ATP6V1B2: variants seen among roughly 807,000 people sequenced by gnomAD.
ATP6V1B2 encodes V-type proton ATPase subunit B, brain isoform.
In ATP6V1B2, 23 loss-of-function variants were observed where a neutral mutation model predicts 66.7. The observed-to-expected ratio is 0.34, with a 90% CI of 0.25 to 0.49. The LOEUF is 0.49. Among genes scored for constraint, ATP6V1B2 ranks in the 20% least tolerant of loss-of-function variants. ATP6V1B2 has a pLI of 0.99. For synonymous variants in ATP6V1B2, 278 were observed against 236.7 expected (o/e 1.17, Z -1.60); for missense variants, 478 against 650.8 (o/e 0.73, Z 2.89).
At position 20,220,468 on chromosome 8, in the gene ATP6V1B2, A is replaced by C; in HGVS notation, c.*66A>C. 1.4e-6 allele frequency: 2 copies of C among 1,461,624 alleles called. No individual in the cohort carries two copies. Among genetic ancestry groups the C allele is most frequent in the East Asian group, 2.6e-5 (1 of 38,332 alleles). 90.5% of individuals were successfully genotyped at this position (1,461,624 alleles called of 1,614,324 possible). ...GTTCTGTTTTCTTTATTCCTTTTGC[A>C]CTCTCGGTTCCCACCTTTGTGTTGG... On this transcript the variant is annotated 3_prime_UTR_variant, in exon 14 of 14. Coordinates refer to ENST00000276390, the MANE Select transcript of ATP6V1B2 (RefSeq NM_001693.4).
At chr8:20,204,647 C>A in intron 2 of ATP6V1B2, 108 bp downstream of exon 2, 1 of 912,896 alleles carries the variant, frequency 1.1e-6, no homozygotes, top group Non-Finnish European at 1.6e-6. Context: ...ATACTTTAGA[C>A]TGGGTGTCAG....
At chr8:20,199,137 T>G (rs777349127) in intron 1 of ATP6V1B2, among the ~76,000 whole-genome samples, 2 of 152,260 alleles carry the variant, frequency 1.3e-5, no homozygotes, top group African/African-American at 2.4e-5. Flanking sequence ...ATGATTAAGA[T>G]TGTAAACCTT....
Position 20,221,404 on chromosome 8 carries a change from A to C in ATP6V1B2, c.*1002A>C, listed in dbSNP as rs958248968. 1.3e-5 allele frequency: 2 copies of C among 152,628 alleles called. No homozygotes were observed. Among genetic ancestry groups the C allele is most frequent in the Non-Finnish European group, 2.9e-5 (2 of 68,060 alleles). The allele number at this position is 152,628 out of a possible 1,614,324, so 9.5% of individuals were successfully genotyped here. On this transcript the variant is annotated 3_prime_UTR_variant, in exon 14 of 14. Transcript: ENST00000276390. ...GGGTAATCTTTGTGGCACAAACGAT[A>C]GCATTTCCAAGCTTTAGAGTTTTCT...
rs1417313573 is a variant in ATP6V1B2, at chr8:20,211,502, A to C, written c.604-150A>C. On this transcript the variant is annotated intron_variant, in intron 6 of 13. Transcript: ENST00000276390. Reference sequence around the variant, plus strand: ...CTTGCTTACCCTTGCATATCTTTGCAAAAAGTACAAAATAGTTTTGTTGAA... The same window carrying C: ...CTTGCTTACCCTTGCATATCTTTGCCAAAAGTACAAAATAGTTTTGTTGAA... 4 of 1,269,988 alleles carry C rather than the reference A, an allele frequency of 3.1e-6. No homozygotes were observed. In the African/African-American group the frequency reaches 6.1e-5, roughly 19 times the overall value. The allele number at this position is 1,269,988 out of a possible 1,614,324, so 78.7% of individuals were successfully genotyped here.
Position 20,197,453 on chromosome 8 carries a change from A to C in ATP6V1B2, c.47A>C (p.Glu16Ala). 1 of 1,541,794 alleles carries C rather than the reference A, an allele frequency of 6.5e-7. No individual in the cohort carries two copies. Among genetic ancestry groups the C allele is most frequent in the Non-Finnish European group, 8.7e-7 (1 of 1,144,730 alleles). The change falls in exon 1 of 14, where the codon GAG (glutamate) becomes GCG (alanine). Residue 16 changes from glutamate (E) to alanine (A), a missense_variant. Glu to Ala is a moderately radical substitution (Grantham distance 107). Transcript: ENST00000276390. ...MRGIVNGAAP[E>A]LPVPTGGPAV... is the part of the protein sequence containing the mutation. ...GGGATTGTCAACGGGGCCGCACCCG[A>C]GCTACCCGTGCCCACCGGTGGGCCG... is the stretch of plus-strand genomic sequence containing the variant.
intron 5 of ATP6V1B2, 48 bp downstream of exon 5, chr8:20,210,694 T>C (rs779242225): frequency 6.5e-7 from 1 of 1,538,192 alleles, no homozygotes; most frequent in Non-Finnish European, 9.0e-7. Flanking sequence ...ATAACCTCAC[T>C]CTGTCTTGTA....
chr8:20,206,249 G>A (rs1162600481), intron 2 of ATP6V1B2, among the ~76,000 whole-genome samples: 1 of 152,110 alleles, frequency 6.6e-6, no homozygotes, highest in Non-Finnish European at 1.5e-5. Context: ...AGTTCTTTGG[G>A]GAACACCTAT....
At chr8:20,205,807 A>T (rs555784630) in intron 2 of ATP6V1B2, among the ~76,000 whole-genome samples, 1 of 152,222 alleles carries the variant, frequency 6.6e-6, no homozygotes, top group Non-Finnish European at 1.5e-5. Flanking sequence ...ATTAGAAAAG[A>T]AAAATAGCTG....
intron 13 of ATP6V1B2, among the ~76,000 whole-genome samples, chr8:20,219,836 G>A (rs2072890692): frequency 6.6e-6 from 1 of 152,158 alleles, no homozygotes; most frequent in Non-Finnish European, 1.5e-5. Flanking sequence ...GTATTCAGGT[G>A]CTTGACTGGC....
Position 20,211,166 on chromosome 8 carries a change from A to G in ATP6V1B2, c.464-11A>G. 6.3e-7 allele frequency: 1 copy of G among 1,597,514 alleles called. No homozygotes were observed. Among genetic ancestry groups the G allele is most frequent in the South Asian group, 1.1e-5 (1 of 87,426 alleles). ...AACTTGTTGAAATTTTCCTTTTTGGAAATACATTAGGTCAGCCAATCAACC... is the reference window on the plus strand; with the variant it reads ...AACTTGTTGAAATTTTCCTTTTTGGGAATACATTAGGTCAGCCAATCAACC... On this transcript the variant is annotated splice_polypyrimidine_tract_variant and intron_variant, in intron 5 of 13. Transcript: ENST00000276390.
chr8:20,211,415 A>C, intron 6 of ATP6V1B2, 99 bp downstream of exon 6: 3 of 1,479,524 alleles, frequency 2.0e-6, no homozygotes, highest in Non-Finnish European at 2.7e-6. Flanking sequence ...TTCAAAATAA[A>C]TACTCAGTGT....
At chr8:20,204,165 TA>T (rs2128884892) in intron 1 of ATP6V1B2, 1 of 385,756 alleles carries the variant, frequency 2.6e-6, no homozygotes, top group East Asian at 6.3e-5. Flanking sequence ...CATCACATTC[TA>T]ACTCCACCCC....
intron 9 of ATP6V1B2, chr8:20,213,581 A>G (rs924687045): frequency 1.3e-5 from 2 of 152,474 alleles, no homozygotes; most frequent in African/African-American, 4.8e-5. Flanking sequence ...GAGTCCAGTA[A>G]TTTGAGGCTG....
intron 1 of ATP6V1B2, among the ~76,000 whole-genome samples, chr8:20,203,759 A>C (rs915470675): frequency 1.3e-5 from 2 of 152,166 alleles, no homozygotes; most frequent in African/African-American, 2.4e-5. Context: ...GGGTAGAATT[A>C]GCTGTTTATT....
intron 1 of ATP6V1B2, 58 bp downstream of exon 1, chr8:20,197,600 C>G (rs1037560900): frequency 7.6e-7 from 1 of 1,313,482 alleles, no homozygotes; most frequent in African/African-American, 1.5e-5. Flanking sequence ...GCCCTTTGCT[C>G]CCAGTCACCT....
rs553271878 is a variant in ATP6V1B2 at position 20,220,253 on chromosome 8, A to T, written c.1397-10A>T. 2.0e-5 allele frequency: 32 copies of T among 1,602,338 alleles called. 1 individual carries two copies. In the South Asian group the frequency reaches 3.5e-4, roughly 18 times the overall value. ...ATTTGCATTTATTAATTCAATCTCA[A>T]TTTTTTAAGGTCCTTACGAAAATCG... is the stretch of plus-strand genomic sequence containing the variant. On this transcript the variant is annotated splice_polypyrimidine_tract_variant and intron_variant, in intron 13 of 13. Coordinates refer to ENST00000276390, the MANE Select transcript of ATP6V1B2 (RefSeq NM_001693.4).
intron 3 of ATP6V1B2, among the ~76,000 whole-genome samples, chr8:20,209,956 C>T (rs906515029): frequency 1.3e-5 from 2 of 151,838 alleles, no homozygotes; most frequent in Non-Finnish European, 2.9e-5. Context: ...GGCAAGATTT[C>T]TGTAAAGGGC....
In ATP6V1B2 at chr8:20,206,721, A is replaced by G. The variant is rs187039038; in HGVS notation, c.192+2182A>G. The stretch of plus-strand genomic sequence containing the variant: ...AGAAACTCTCCAAACACCCTCAGTT[A>G]GGATTTTTTTTGAAGACCTAAGCAT... On this transcript the variant is annotated intron_variant, in intron 2 of 13. Coordinates refer to ENST00000276390, the MANE Select transcript of ATP6V1B2 (RefSeq NM_001693.4). Among the ~76,000 whole-genome samples, 4 of 152,224 alleles carry G rather than the reference A, an allele frequency of 2.6e-5. No individual in the cohort carries two copies. In the East Asian group the frequency reaches 7.7e-4, roughly 29 times the overall value.
Position 20,220,489 on chromosome 8 carries a change from G to T in ATP6V1B2, c.*87G>T. 2 of 1,446,516 alleles carry T rather than the reference G, an allele frequency of 1.4e-6. No individual in the cohort carries two copies. The highest frequency in any genetic ancestry group is 1.6e-5 in the South Asian group (1 of 63,268). The allele number at this position is 1,446,516 out of a possible 1,614,324, so 89.6% of individuals were successfully genotyped here. A position where few individuals can be genotyped will look rare whatever the true frequency, so the allele number is the denominator to read the frequency against. ...TTGCACTCTCGGTTCCCACCTTTGT[G>T]TTGGAGTTTACCATGTTACCCTGTA... On this transcript the variant is annotated 3_prime_UTR_variant, in exon 14 of 14. Transcript: ENST00000276390.
Sources: allele counts gnomAD v4.1 joint callset (sites outside exome capture counted in the v4.1 genomes callset), GRCh38; gene constraint gnomAD v4.1.1; transcripts MANE v1.5; gene names NCBI Gene and HGNC (gene_info 2026-07-23, HGNC 2026-07-21).